POLR1C: variants seen among roughly 807,000 people sequenced by gnomAD.
POLR1C encodes the protein DNA-directed RNA polymerases I and III subunit RPAC1.
Under a neutral mutation model 38.3 loss-of-function variants are expected in POLR1C, and 42 were observed. The observed-to-expected ratio is 1.10, with a 90% CI of 0.86 to 1.42. The LOEUF is 1.42. POLR1C is among the 40% of genes most tolerant of loss of function. POLR1C has a pLI of 0.00. For synonymous variants in POLR1C, 163 were observed against 163.9 expected (o/e 0.99, Z 0.04); for missense variants, 507 against 450.5 (o/e 1.13, Z -1.14).
At chr6:43,517,208 G>A in intron 1 of POLR1C, 30 bp downstream of exon 1, 12 of 1,612,984 alleles carry the variant, frequency 7.4e-6, no homozygotes, top group Non-Finnish European at 1.0e-5. Context: ...GCTCGGGCGG[G>A]AGGAATGAGA....
chr6:43,523,908 T>C (rs1206919294), downstream of POLR1C: 2 of 1,614,030 alleles, frequency 1.2e-6, no homozygotes, highest in Non-Finnish European at 8.5e-7. Context: ...CCCATCATTG[T>C]CCAGCACCTC....
At chr6:43,524,739 A>C (rs1355324022), downstream of POLR1C, 1 of 1,586,136 alleles carries the variant, frequency 6.3e-7, no homozygotes, top group African/African-American at 1.3e-5. Flanking sequence ...GCAATTTGGC[A>C]GGTGCCTGAA....
chr6:43,558,136 CACAGA>C (rs967837020), intron 10 of POLR1C, among the ~76,000 whole-genome samples: 37 of 151,008 alleles, frequency 2.5e-4, no homozygotes, highest in African/African-American at 8.2e-4. Context: ...GCACAGAAAA[CACAGA>C]ACAGAACTAG....
At chr6:43,539,553 G>T in intron 9 of POLR1C, 2 of 1,397,100 alleles carry the variant, frequency 1.4e-6, no homozygotes, top group East Asian at 2.3e-5. Flanking sequence ...TTGCCTCCGC[G>T]AGCTCCGCGG....
downstream of POLR1C, chr6:43,523,369 C>G (rs1793316951): frequency 3.3e-6 from 1 of 301,268 alleles, no homozygotes; most frequent in Admixed American, 4.7e-5. Context: ...CAGACATGCC[C>G]CTTAGGGAGT....
chr6:43,532,356 T>TG (rs972021154), downstream of POLR1C, among the ~76,000 whole-genome samples: 5 of 152,184 alleles, frequency 3.3e-5, no homozygotes, highest in Non-Finnish European at 7.3e-5. Flanking sequence ...GGAATGCCAT[T>TG]GGATTGCTTG....
rs1236088566 is a variant in POLR1C, at chr6:43,517,147, G to T, written c.38G>T (p.Arg13Leu). ...CAGGCGGTGGAGGAAATGCGGAGCC[G>T]CGTGGTTCTGGGGGAGTTTGGGGTT... ...ASQAVEEMRS[R>L]VVLGEFGVRN... The change falls in exon 1 of 9, where the codon CGC (arginine) becomes CTC (leucine). Residue 13 changes from arginine to leucine, a missense_variant. Transcript: ENST00000642195. 6.2e-7 allele frequency: 1 copy of T among 1,614,130 alleles called. No homozygotes were observed. The highest frequency in any genetic ancestry group is 1.3e-5 in the African/African-American group (1 of 75,020).
intron 8 of POLR1C, chr6:43,526,606 A>G: frequency 1.3e-6 from 2 of 1,538,130 alleles, no homozygotes; most frequent in Admixed American, 3.6e-5. Context: ...ACCAGACTGC[A>G]AGGAAACTGA....
At chr6:43,551,721 A>G (rs187217811) in intron 10 of POLR1C, among the ~76,000 whole-genome samples, 147 of 152,122 alleles carry the variant, frequency 9.7e-4, no homozygotes, top group Admixed American at 6.0e-3. Context: ...GATGTTGTAG[A>G]AGTGTTGTTA....
At chr6:43,521,089 G>C in intron 8 of POLR1C, 41 bp downstream of exon 8, 1 of 1,599,174 alleles carries the variant, frequency 6.3e-7, no homozygotes, top group Non-Finnish European at 8.6e-7. Context: ...GTGCTCTTTG[G>C]TGCTGCAGCT....
chr6:43,520,468 G>A (rs766166363), intron 6 of POLR1C, 41 bp downstream of exon 6: 21 of 1,611,320 alleles, frequency 1.3e-5, no homozygotes, highest in South Asian at 1.1e-4. Flanking sequence ...GGGATAGTTC[G>A]GTTGCAGTGG....
chr6:43,529,565 A>AG (rs1285438059), exon 9 of POLR1C: 3 of 183,180 alleles, frequency 1.6e-5, no homozygotes, highest in African/African-American at 7.3e-5. Flanking sequence ...AAAAAAAAAA[A>AG]AAAGAAAAGA....
chr6:43,554,757 A>G lies in POLR1C; in HGVS notation c.*48+3746A>G, dbSNP rs1023046371. Among the ~76,000 whole-genome samples the G allele has an allele frequency of 5.9e-5, 9 of 152,132 alleles. No homozygotes were observed. The South Asian group carries it at 1.7e-3, about 28-fold the overall frequency. On this transcript the variant is annotated intron_variant, in intron 10 of 10. Coordinates refer to the POLR1C transcript ENST00000607635. ...CCAATTGCTTTTCTTGCTTACATAC[A>G]GCGTAGTCCTATTTACTAGTTTCAT...
downstream of POLR1C, chr6:43,524,613 C>T: frequency 3.1e-6 from 5 of 1,613,994 alleles, no homozygotes; most frequent in Non-Finnish European, 4.2e-6. Context: ...CATTACAGCT[C>T]TTATCTCCAG....
chr6:43,517,463 C>G, intron 2 of POLR1C, 86 bp downstream of exon 2: 2 of 1,151,170 alleles, frequency 1.7e-6, no homozygotes, highest in Non-Finnish European at 1.3e-6. Context: ...AGAAGCTGCT[C>G]TTGGGGGTCG....
Position 43,519,794 on chromosome 6 carries a change from T to C in POLR1C, c.338T>C (p.Ile113Thr). The C allele has an allele frequency of 6.2e-7, 1 of 1,614,198 alleles. No homozygotes were observed. Among genetic ancestry groups the C allele is most frequent in the South Asian group, 1.1e-5 (1 of 91,084 alleles). Residue 113 changes from isoleucine (I) to threonine (T), a missense_variant, in exon 4 of 9, where the codon ATT becomes ACT. Transcript: ENST00000642195. The stretch of plus-strand genomic sequence containing the variant: ...ATTCTTGCTCACCGTCTGGGGCTCA[T>C]TCCCATTCATGCTGATCCCCGTCTT... ...DEILAHRLGL[I>T]PIHADPRLFE...
intron 9 of POLR1C, chr6:43,547,823 G>A (rs1795035830): frequency 1.3e-6 from 1 of 779,402 alleles, no homozygotes; most frequent in South Asian, 1.6e-5. Flanking sequence ...TTTATAGTGA[G>A]AGGAGTATAA....
chr6:43,541,262 T>C (rs1303561968), intron 9 of POLR1C, among the ~76,000 whole-genome samples: 3 of 152,328 alleles, frequency 2.0e-5, no homozygotes, highest in South Asian at 2.1e-4. Context: ...CAGTTGACTA[T>C]AACTGGATTG....
rs537614260 is a variant in POLR1C, at chr6:43,519,474, C to A, written c.249+34C>A. 3.2e-5 allele frequency: 47 copies of A among 1,486,278 alleles called. No homozygotes were observed. The Middle Eastern group carries it at 1.0e-3, about 32-fold the overall frequency. 92.1% of individuals were successfully genotyped at this position (1,486,278 alleles called of 1,614,324 possible). On this transcript the variant is annotated intron_variant, in intron 3 of 8. Transcript: ENST00000642195. The stretch of plus-strand genomic sequence containing the variant: ...AGGCATGGTGACAAGGCTGGAGTTG[C>A]TTTGGGAACTGCACTGACACCTCAC...
Sources: gnomAD v4.1 joint callset for allele counts (sites outside exome capture counted in the v4.1 genomes callset) on GRCh38, gnomAD v4.1.1 for gene constraint, MANE v1.5 for transcripts, NCBI Gene and HGNC (gene_info 2026-07-23, HGNC 2026-07-21) for gene names.